Variants in NOSTRIN observed in about 807,000 individuals in gnomAD.
NOSTRIN encodes nitric oxide synthase trafficking.
In NOSTRIN, 63 loss-of-function variants were observed where a neutral mutation model predicts 59.0. The ratio of observed to expected loss-of-function variants is 1.07; its 90% CI spans 0.87 to 1.32. The LOEUF is 1.32. Ranked by LOEUF, NOSTRIN falls within the 40% of genes most tolerant of loss-of-function variation. The pLI is 0.00. For missense variants in NOSTRIN, 512 were observed against 473.1 expected, an observed-to-expected ratio of 1.08 and a Z score of -0.76; for synonymous variants, 200 against 165.4, an observed-to-expected ratio of 1.21 and a Z score of -1.61.
intron 2 of NOSTRIN, among the ~76,000 whole-genome samples, chr2:168,813,467 T>C (rs942437015): frequency 2.0e-5 from 3 of 152,070 alleles, no homozygotes; most frequent in African/African-American, 7.3e-5. Flanking sequence ...GATCACTCCA[T>C]ATCCCCACCT....
At chr2:168,811,913 C>G in intron 2 of NOSTRIN, 1 of 294,808 alleles carries the variant, frequency 3.4e-6, no homozygotes, top group East Asian at 6.8e-5. Flanking sequence ...GGTTTATTAC[C>G]CTCTCCTGGG....
chr2:168,863,631 T>C, intron 15 of NOSTRIN: 2 of 983,194 alleles, frequency 2.0e-6, no homozygotes, highest in South Asian at 4.7e-5. Flanking sequence ...GAATGGGGAG[T>C]TACATTTTGA....
chr2:168,843,764 C>T (rs1369609789), intron 8 of NOSTRIN, among the ~76,000 whole-genome samples: 1 of 152,156 alleles, frequency 6.6e-6, no homozygotes, highest in African/African-American at 2.4e-5. Flanking sequence ...TATTGTACCC[C>T]TGTAGGGGGA....
chr2:168,806,485 C>T (rs1685858069), intron 1 of NOSTRIN, among the ~76,000 whole-genome samples: 1 of 152,068 alleles, frequency 6.6e-6, no homozygotes, highest in Non-Finnish European at 1.5e-5. Flanking sequence ...TATTTATCAA[C>T]AGAATTTGCT....
At position 168,865,022 on chromosome 2, in the gene NOSTRIN, T is replaced by TGGGCCGGGCGC; in HGVS notation, c.*54_*55insGCCGGGCGCGG. The TGGGCCGGGCGC allele has an allele frequency of 6.3e-7, 1 of 1,589,760 alleles. No homozygotes were observed. Among genetic ancestry groups the TGGGCCGGGCGC allele is most frequent in the Non-Finnish European group, 8.6e-7 (1 of 1,166,612 alleles). ...ACACTCGGTAATCAACAATACAGTG[T>TGGGCCGGGCGC]GGTTCAAATAAGAATAAAGTGCTCT... On this transcript the variant is annotated 3_prime_UTR_variant, in exon 16 of 16. Coordinates refer to ENST00000317647, the MANE Select transcript of NOSTRIN (RefSeq NM_001039724.4).
chr2:168,791,066 T>C (rs149619829), intron 2 of NOSTRIN, among the ~76,000 whole-genome samples: 355 of 152,278 alleles, frequency 2.3e-3, no homozygotes, highest in African/African-American at 8.1e-3. Context: ...TATGTATACA[T>C]GTGCCATGTT....
Position 168,863,537 on chromosome 2 carries a change from T to G in NOSTRIN, c.1385-1297T>G. 5.1e-6 allele frequency: 5 copies of G among 985,342 alleles called. 1 individual carries two copies. In the South Asian group the frequency reaches 1.9e-4, roughly 37 times the overall value. The allele number at this position is 985,342 out of a possible 1,614,324, so 61.0% of individuals were successfully genotyped here. A position where few individuals can be genotyped will look rare whatever the true frequency, so the allele number is the denominator to read the frequency against. On this transcript the variant is annotated intron_variant, in intron 15 of 15. Coordinates refer to ENST00000317647, the MANE Select transcript of NOSTRIN (RefSeq NM_001039724.4). ...AAGAGCCATGTTTCTTGTCCAATTCTCTATGGAATTCTCTTTATTTGAATC... is the reference window on the plus strand; with the variant it reads ...AAGAGCCATGTTTCTTGTCCAATTCGCTATGGAATTCTCTTTATTTGAATC...
intron 6 of NOSTRIN, among the ~76,000 whole-genome samples, chr2:168,833,256 C>T (rs759226481): frequency 2.0e-5 from 3 of 152,190 alleles, no homozygotes; most frequent in Non-Finnish European, 4.4e-5. Flanking sequence ...ACCAAATATT[C>T]ATGCGTCACA....
chr2:168,833,204 G>A (rs1021178188), intron 6 of NOSTRIN, among the ~76,000 whole-genome samples: 2 of 152,200 alleles, frequency 1.3e-5, no homozygotes, highest in African/African-American at 4.8e-5. Context: ...TGTCAGTAAT[G>A]AAGTAGTCTA....
chr2:168,794,401 G>C (rs1404258420), upstream of NOSTRIN, among the ~76,000 whole-genome samples: 1 of 149,190 alleles, frequency 6.7e-6, no homozygotes, highest in East Asian at 2.0e-4. Flanking sequence ...GCCCAGGCTG[G>C]AGTGCAGTGG....
intron 7 of NOSTRIN, among the ~76,000 whole-genome samples, chr2:168,837,541 C>T (rs1687809706): frequency 6.6e-6 from 1 of 152,002 alleles, no homozygotes; most frequent in African/African-American, 2.4e-5. Context: ...GATCTCCTGA[C>T]TTCGTGATCC....
At chr2:168,800,410 C>T (rs1685580887), upstream of NOSTRIN, among the ~76,000 whole-genome samples, 1 of 152,226 alleles carries the variant, frequency 6.6e-6, no homozygotes, top group Non-Finnish European at 1.5e-5. Context: ...AAACATTCCT[C>T]CGAGAAGCTC....
chr2:168,791,830 GGTT>G (rs1685361668), intron 2 of NOSTRIN, among the ~76,000 whole-genome samples: 1 of 152,026 alleles, frequency 6.6e-6, no homozygotes, highest in Non-Finnish European at 1.5e-5. Context: ...TTTTTGATGG[GGTT>G]GTTCTTTTCT....
intron 2 of NOSTRIN, chr2:168,818,365 T>C (rs1686536811): frequency 4.9e-6 from 1 of 202,528 alleles, no homozygotes; most frequent in African/African-American, 2.3e-5. Context: ...ATATGTTGCC[T>C]AGGCTGGTCT....
intron 8 of NOSTRIN, among the ~76,000 whole-genome samples, chr2:168,846,028 C>T (rs1441322400): frequency 3.3e-5 from 5 of 152,132 alleles, no homozygotes; most frequent in Non-Finnish European, 5.9e-5. Flanking sequence ...TTAGCCACAA[C>T]GTGAGACGAC....
At chr2:168,851,910 C>G (rs1242976312) in intron 10 of NOSTRIN, among the ~76,000 whole-genome samples, 1 of 152,122 alleles carries the variant, frequency 6.6e-6, no homozygotes, top group Non-Finnish European at 1.5e-5. Flanking sequence ...GCAGACATCT[C>G]CAGGCTCTTC....
At chr2:168,794,551 CTG>C (rs1017509072), upstream of NOSTRIN, among the ~76,000 whole-genome samples, 2 of 151,874 alleles carry the variant, frequency 1.3e-5, no homozygotes, top group African/African-American at 2.4e-5. Context: ...CGGGGTTTCA[CTG>C]TGTTAGCCAG....
intron 2 of NOSTRIN, among the ~76,000 whole-genome samples, chr2:168,791,123 C>T (rs533875353): frequency 1.3e-3 from 204 of 152,232 alleles, no homozygotes; most frequent in Non-Finnish European, 2.6e-3. Flanking sequence ...GGTATATCTC[C>T]TAATGCTATC....
chr2:168,837,538 T>G (rs919900339), intron 7 of NOSTRIN, among the ~76,000 whole-genome samples: 2 of 152,070 alleles, frequency 1.3e-5, no homozygotes, highest in Non-Finnish European at 2.9e-5. Context: ...CTCGATCTCC[T>G]GACTTCGTGA....
Sources: gnomAD v4.1 joint callset for allele counts (sites outside exome capture counted in the v4.1 genomes callset) on GRCh38, gnomAD v4.1.1 for gene constraint, MANE v1.5 for transcripts, NCBI Gene and HGNC (gene_info 2026-07-23, HGNC 2026-07-21) for gene names.